GPC6: variants seen among roughly 807,000 people sequenced by gnomAD.
The protein encoded by GPC6 is glypican-6.
GPC6 carries 14 observed loss-of-function variants against 55.2 expected under a neutral mutation model. The ratio of observed to expected loss-of-function variants is 0.25; its 90% confidence interval spans 0.17 to 0.40. The LOEUF is 0.40. Ranked by LOEUF, GPC6 falls within the 10% of genes least tolerant of loss-of-function variation. GPC6 has a pLI of 1.00. For missense variants in GPC6, 641 were observed against 708.5 expected (o/e 0.90, Z 1.08); for synonymous variants, 278 against 259.6 (o/e 1.07, Z -0.68).
At chr13:93,904,383 A>G (rs1321233489) in intron 3 of GPC6, among the ~76,000 whole-genome samples, 1 of 152,178 alleles carries the variant, frequency 6.6e-6, no homozygotes, top group East Asian at 1.9e-4. Flanking sequence ...CTTTAGCGAC[A>G]TTTACACCCC....
At chr13:93,216,592 G>A in the GPC6 span, among the ~76,000 whole-genome samples, 1 of 152,100 alleles carries the variant, frequency 6.6e-6, no homozygotes, top group African/African-American at 2.4e-5. Context: ...CTAGGATACA[G>A]TGTAGACTAG....
At chr13:94,120,870 A>T (rs1566432373) in intron 4 of GPC6, among the ~76,000 whole-genome samples, 1 of 152,096 alleles carries the variant, frequency 6.6e-6, no homozygotes, top group Admixed American at 6.6e-5. Context: ...ATGTGATTTA[A>T]GGAGTGCTAC....
At chr13:94,314,190 C>T (rs1030674447) in intron 6 of GPC6, among the ~76,000 whole-genome samples, 1 of 152,132 alleles carries the variant, frequency 6.6e-6, no homozygotes, top group Non-Finnish European at 1.5e-5. Context: ...TATAGAGGCT[C>T]ATGGAATATT....
At chr13:94,273,998 G>T (rs1002689987) in intron 4 of GPC6, among the ~76,000 whole-genome samples, 5 of 152,172 alleles carry the variant, frequency 3.3e-5, no homozygotes, top group African/African-American at 1.2e-4. Context: ...TCACATTCAT[G>T]ATTTACAAGG....
chr13:93,287,539 G>T (rs984163001), intron 1 of GPC6, among the ~76,000 whole-genome samples: 1 of 152,184 alleles, frequency 6.6e-6, no homozygotes, highest in African/African-American at 2.4e-5. Flanking sequence ...TCATCTTGAA[G>T]AACTTATCAT....
chr13:93,333,361 T>C (rs1177159500), intron 1 of GPC6, among the ~76,000 whole-genome samples: 1 of 152,122 alleles, frequency 6.6e-6, no homozygotes, highest in African/African-American at 2.4e-5. Flanking sequence ...CTTTTGTTGT[T>C]ATCTTTAACT....
intron 2 of GPC6, among the ~76,000 whole-genome samples, chr13:93,792,748 C>A (rs3759424): frequency 1.0e-3 from 156 of 152,136 alleles, no homozygotes; most frequent in African/African-American, 3.4e-3. Context: ...ATGTGGGAAC[C>A]TGCATCCTAA....
chr13:93,410,508 G>T (rs1460306323), intron 1 of GPC6, among the ~76,000 whole-genome samples: 1 of 152,142 alleles, frequency 6.6e-6, no homozygotes. Flanking sequence ...TTATTTAAAT[G>T]ATTTACACAG....
At chr13:94,184,431 CA>C (rs1889101393) in intron 4 of GPC6, among the ~76,000 whole-genome samples, 1 of 151,730 alleles carries the variant, frequency 6.6e-6, no homozygotes, top group African/African-American at 2.4e-5. Context: ...GGAGCTTAAA[CA>C]AATCAATAAG....
chr13:94,272,573 A>G (rs554489881), intron 4 of GPC6, among the ~76,000 whole-genome samples: 34 of 142,166 alleles, frequency 2.4e-4, no homozygotes, highest in African/African-American at 9.1e-4. Context: ...GGTTCATGCC[A>G]TTCTCTTGCC....
intron 2 of GPC6, among the ~76,000 whole-genome samples, chr13:93,619,234 T>C (rs1420000231): frequency 6.6e-6 from 1 of 152,132 alleles, no homozygotes; most frequent in East Asian, 1.9e-4. Flanking sequence ...GTAGATGAGT[T>C]CAGTGAAGAC....
chr13:94,209,368 T>C (rs528192558), intron 4 of GPC6, among the ~76,000 whole-genome samples: 1 of 152,344 alleles, frequency 6.6e-6, no homozygotes, highest in South Asian at 2.1e-4. Flanking sequence ...GAAGAGCTTA[T>C]GTAATAAAAT....
chr13:93,405,258 C>A (rs34575960), intron 1 of GPC6, among the ~76,000 whole-genome samples: 8,389 of 152,156 alleles, frequency 0.055, 312 homozygotes, highest in Non-Finnish European at 0.078. Context: ...TATCTCCTGG[C>A]ACATACACTT....
At chr13:93,494,367 A>G (rs1251797659) in intron 1 of GPC6, among the ~76,000 whole-genome samples, 2 of 143,326 alleles carry the variant, frequency 1.4e-5, no homozygotes, top group Non-Finnish European at 3.1e-5. Flanking sequence ...TTTGTTTTCC[A>G]TTTGCTTGGT....
chr13:94,173,565 C>A (rs1412941), intron 4 of GPC6, among the ~76,000 whole-genome samples: 7,023 of 152,186 alleles, frequency 0.046, 244 homozygotes, highest in South Asian at 0.13. Flanking sequence ...GATTCATTCC[C>A]AGACATGTTG....
intron 1 of GPC6, among the ~76,000 whole-genome samples, chr13:93,371,288 C>T (rs1334747033): frequency 3.3e-5 from 5 of 151,998 alleles, no homozygotes; most frequent in Admixed American, 2.6e-4. Flanking sequence ...GTGTCACATA[C>T]ACCAGGGAGA....
chr13:94,231,001 TAA>T (rs1030953934), intron 4 of GPC6, among the ~76,000 whole-genome samples: 4 of 152,120 alleles, frequency 2.6e-5, no homozygotes, highest in African/African-American at 7.2e-5. Context: ...GCCTGGCACA[TAA>T]GGTAGCACGT....
intron 2 of GPC6, among the ~76,000 whole-genome samples, chr13:93,781,224 C>T (rs1032937585): frequency 4.0e-5 from 6 of 150,902 alleles, no homozygotes; most frequent in African/African-American, 7.3e-5. Flanking sequence ...TGCAGTAAGC[C>T]GAGATCGCGC....
chr13:93,444,724 A>C (rs1877938507), intron 1 of GPC6, among the ~76,000 whole-genome samples: 2 of 152,214 alleles, frequency 1.3e-5, no homozygotes, highest in Admixed American at 6.5e-5. Flanking sequence ...ACTCTCATAA[A>C]AATGTAATTC....
Sources: allele counts gnomAD v4.1 joint callset (sites outside exome capture counted in the v4.1 genomes callset), GRCh38; gene constraint gnomAD v4.1.1; transcripts MANE v1.5; gene names NCBI Gene and HGNC (gene_info 2026-07-23, HGNC 2026-07-21).